Variants in CAMTA1 observed in about 807,000 individuals in gnomAD.
The protein encoded by CAMTA1 is calmodulin-binding transcription activator 1.
A neutral mutation model predicts 170.9 loss-of-function variants in CAMTA1; 27 were observed. The observed-to-expected ratio is 0.16, with a 90% CI of 0.12 to 0.22. The LOEUF is 0.22. CAMTA1 is among the 10% of genes least tolerant of loss of function. CAMTA1 has a pLI of 1.00. For synonymous variants in CAMTA1, 833 were observed against 891.5 expected (o/e 0.93, Z 1.17); for missense variants, 1,619 against 2,217.2 (o/e 0.73, Z 5.42).
At position 7,113,533 on chromosome 1, in the gene CAMTA1, C is replaced by G. The variant is rs1644188188; in HGVS notation, c.302+22162C>G. Among the ~76,000 whole-genome samples, 1 of 152,198 alleles carries G rather than the reference C, an allele frequency of 6.6e-6. No homozygotes were observed. The highest frequency in any genetic ancestry group is 1.5e-5 in the Non-Finnish European group (1 of 68,044). On this transcript the variant is annotated intron_variant, in intron 4 of 22. Transcript: ENST00000303635. This position sits in a 1 kb window ranked among gnomAD's most constrained non-coding sequence, Gnocchi z 4.5. Reference sequence around the variant, plus strand: ...GGAGGGTCTCGGGCAAGACCTCCCCCAACAGGCAGACCAGGGCAGTGCCTA... The same window carrying G: ...GGAGGGTCTCGGGCAAGACCTCCCCGAACAGGCAGACCAGGGCAGTGCCTA...
At chr1:7,672,585 C>A (rs2149237656) in intron 10 of CAMTA1, among the ~76,000 whole-genome samples, 1 of 152,242 alleles carries the variant, frequency 6.6e-6, no homozygotes, top group South Asian at 2.1e-4. Flanking sequence ...CCACACCCAG[C>A]TAATTTTTGT....
At chr1:7,730,097 T>C (rs2096720228) in intron 11 of CAMTA1, among the ~76,000 whole-genome samples, 1 of 152,220 alleles carries the variant, frequency 6.6e-6, no homozygotes, top group South Asian at 2.1e-4. Context: ...TAACCTAGGA[T>C]TTATCATGTT....
chr1:7,075,903 T>A (rs905635013), intron 3 of CAMTA1, among the ~76,000 whole-genome samples: 5 of 152,182 alleles, frequency 3.3e-5, no homozygotes, highest in African/African-American at 1.2e-4. Context: ...TCTCAGGCGA[T>A]CCACACACCT....
At chr1:7,571,866 G>A in intron 6 of CAMTA1, among the ~76,000 whole-genome samples, 1 of 152,168 alleles carries the variant, frequency 6.6e-6, no homozygotes, top group East Asian at 1.9e-4. Flanking sequence ...TAATGAGATT[G>A]CTAGGTCGAA....
intron 1 of CAMTA1, among the ~76,000 whole-genome samples, chr1:6,816,725 C>G (rs1474763510): frequency 1.7e-4 from 26 of 152,300 alleles, no homozygotes; most frequent in Non-Finnish European, 3.2e-4. Flanking sequence ...GACTGGAACA[C>G]ACCACCGCGG....
intron 3 of CAMTA1, among the ~76,000 whole-genome samples, chr1:6,956,242 A>G (rs1279464046): frequency 6.6e-6 from 1 of 152,056 alleles, no homozygotes; most frequent in Admixed American, 6.5e-5. Flanking sequence ...TTCTAGTAGG[A>G]ATTTGGGAGG....
intron 5 of CAMTA1, among the ~76,000 whole-genome samples, chr1:7,374,063 G>C (rs845216): frequency 0.63 from 95,524 of 152,084 alleles, 31,874 homozygotes; most frequent in Middle Eastern, 0.75. Flanking sequence ...CTGCCTCCCC[G>C]CCTCACTGGC....
chr1:7,459,123 C>T (rs947323844), intron 5 of CAMTA1, among the ~76,000 whole-genome samples: 1 of 152,148 alleles, frequency 6.6e-6, no homozygotes, highest in Non-Finnish European at 1.5e-5. Context: ...GGTGTCTGAG[C>T]GAGGACCAGG....
chr1:7,663,878 T>A lies in CAMTA1; in HGVS notation c.1331T>A (p.Phe444Tyr). Residue 444 changes from phenylalanine to tyrosine, a missense_variant, in exon 9 of 23, where the codon TTT becomes TAT. This residue lies in a region of CAMTA1 where 731 missense variants were observed against 907.6 expected (regional missense o/e 0.81). Coordinates refer to ENST00000303635, the MANE Select transcript of CAMTA1 (RefSeq NM_015215.4). ...AGCTCTGATGGCCACAAGTTCGCCTTTCCCACCACGGGCAGCTCGGAGAGC... is the reference window on the plus strand; with the variant it reads ...AGCTCTGATGGCCACAAGTTCGCCTATCCCACCACGGGCAGCTCGGAGAGC... ...AVSSDGHKFA[F>Y]PTTGSSESLS... 6.2e-7 allele frequency: 1 copy of A among 1,614,006 alleles called. No homozygotes were observed. The highest frequency in any genetic ancestry group is 8.5e-7 in the Non-Finnish European group (1 of 1,180,052).
chr1:7,549,892 G>A (rs561198315), intron 6 of CAMTA1, among the ~76,000 whole-genome samples: 2 of 152,300 alleles, frequency 1.3e-5, no homozygotes, highest in Admixed American at 1.3e-4. Context: ...TGGGGGCTCA[G>A]AGAAGAGGCT....
chr1:7,267,301 G>A (rs948448651), intron 5 of CAMTA1, among the ~76,000 whole-genome samples: 1 of 152,190 alleles, frequency 6.6e-6, no homozygotes, highest in Admixed American at 6.5e-5. Flanking sequence ...ATATCCATGA[G>A]TTCTTTGGCT....
At chr1:7,038,478 A>G (rs1046407555) in intron 3 of CAMTA1, among the ~76,000 whole-genome samples, 1 of 152,252 alleles carries the variant, frequency 6.6e-6, no homozygotes, top group Admixed American at 6.5e-5. Context: ...ACAAAATTGA[A>G]AGAGTTTTGC....
chr1:7,071,899 G>T (rs1457920089), intron 3 of CAMTA1, among the ~76,000 whole-genome samples: 1 of 152,236 alleles, frequency 6.6e-6, no homozygotes, highest in African/African-American at 2.4e-5. Context: ...TGTCCAAGCT[G>T]TCTTTGAGGG....
intron 3 of CAMTA1, among the ~76,000 whole-genome samples, chr1:6,840,352 G>A (rs1405158602): frequency 3.9e-5 from 6 of 152,198 alleles, no homozygotes; most frequent in Non-Finnish European, 5.9e-5. Context: ...GACCAGTTAA[G>A]AGTCTGTTGC....
chr1:7,521,898 C>G (rs570502636), intron 6 of CAMTA1, among the ~76,000 whole-genome samples: 1 of 152,340 alleles, frequency 6.6e-6, no homozygotes, highest in South Asian at 2.1e-4. Flanking sequence ...TATGGATGAA[C>G]CACTATTGTT....
rs1016733393 is a variant in CAMTA1, at chr1:6,965,135, G to T, written c.235-126169G>T. 6.6e-6 allele frequency among the ~76,000 whole-genome samples: 1 copy of T among 152,246 alleles called. No homozygotes were observed. Among genetic ancestry groups the T allele is most frequent in the African/African-American group, 2.4e-5 (1 of 41,460 alleles). ...CCAGCGGAAGGGCTGTATTTCTGGT[G>T]AGATGTATTAATATGTGAAAGCCAC... On this transcript the variant is annotated intron_variant, in intron 3 of 22. Coordinates refer to ENST00000303635, the MANE Select transcript of CAMTA1 (RefSeq NM_015215.4). This position sits in a 1 kb window ranked among gnomAD's most constrained non-coding sequence, Gnocchi z 4.1.
rs78556906 is a variant in CAMTA1, at chr1:6,999,272, A to C, written c.235-92032A>C. On this transcript the variant is annotated intron_variant, in intron 3 of 22. Coordinates refer to ENST00000303635, the MANE Select transcript of CAMTA1 (RefSeq NM_015215.4). The stretch of plus-strand genomic sequence containing the variant: ...CGTTGTTCTTGCACTGAGATAAAGA[A>C]ATGCCTGAGACTGGGTAATTTATAA... 6.3e-3 allele frequency among the ~76,000 whole-genome samples: 965 copies of C among 152,332 alleles called. 7 individuals carry two copies. Among genetic ancestry groups the C allele is most frequent in the African/African-American group, 0.022 (899 of 41,566 alleles).
Position 6,902,836 on chromosome 1 carries a change from A to G in CAMTA1, c.234+77626A>G, listed in dbSNP as rs535741071. On this transcript the variant is annotated intron_variant, in intron 3 of 22. Coordinates refer to ENST00000303635, the MANE Select transcript of CAMTA1 (RefSeq NM_015215.4). Reference sequence around the variant, plus strand: ...GAAATGTTGGTGAGATTGTGGAACAACTGCAACTCTCAAACATTGCTGGTT... The same window carrying G: ...GAAATGTTGGTGAGATTGTGGAACAGCTGCAACTCTCAAACATTGCTGGTT... 7.2e-5 allele frequency among the ~76,000 whole-genome samples: 11 copies of G among 152,328 alleles called. No homozygotes were observed. In the East Asian group the frequency reaches 1.9e-3, roughly 27 times the overall value.
At chr1:6,929,521 G>A (rs1377226332) in intron 3 of CAMTA1, among the ~76,000 whole-genome samples, 2 of 152,150 alleles carry the variant, frequency 1.3e-5, no homozygotes, top group African/African-American at 4.8e-5. Context: ...CCGCCACCAC[G>A]CCTGGCTAAG....
Sources: allele counts gnomAD v4.1 joint callset (sites outside exome capture counted in the v4.1 genomes callset), GRCh38; gene constraint gnomAD v4.1.1; regional missense constraint gnomAD v4.1.1; non-coding constraint Gnocchi (gnomAD v3.1); transcripts MANE v1.5; gene names NCBI Gene and HGNC (gene_info 2026-07-23, HGNC 2026-07-21).